LRMDA: variants seen among roughly 807,000 people sequenced by gnomAD.
The protein encoded by LRMDA is leucine rich melanocyte differentiation associated.
Under a neutral mutation model 29.8 loss-of-function variants are expected in LRMDA, and 18 were observed. The ratio of observed to expected loss-of-function variants is 0.60; its 90% CI spans 0.42 to 0.90. LRMDA has a LOEUF of 0.90. Ranked by LOEUF, LRMDA falls within the 40% of genes least tolerant of loss-of-function variation. The pLI is 0.00. For synonymous variants in LRMDA, 125 were observed against 109.4 expected, an observed-to-expected ratio of 1.14 and a Z score of -0.89; for missense variants, 273 against 273.9, an observed-to-expected ratio of 1.00 and a Z score of 0.02.
At chr10:76,100,409 G>C (rs10762691) in intron 5 of LRMDA, among the ~76,000 whole-genome samples, 1 of 152,134 alleles carries the variant, frequency 6.6e-6, no homozygotes, top group African/African-American at 2.4e-5. Context: ...ACACAGGAAC[G>C]GAAGAGGCCA....
intron 2 of LRMDA, among the ~76,000 whole-genome samples, chr10:75,918,892 A>C (rs1277180658): frequency 6.6e-6 from 1 of 152,208 alleles, no homozygotes; most frequent in East Asian, 1.9e-4. Context: ...ACTGTGTGTG[A>C]AGAAAAAAAA....
At chr10:76,061,941 T>C (rs1350893943) in intron 5 of LRMDA, among the ~76,000 whole-genome samples, 1 of 152,208 alleles carries the variant, frequency 6.6e-6, no homozygotes, top group African/African-American at 2.4e-5. Flanking sequence ...GCTGAATTAA[T>C]AAATTGGCAT....
At chr10:75,538,418 G>C (rs570755148) in intron 2 of LRMDA, among the ~76,000 whole-genome samples, 2 of 152,266 alleles carry the variant, frequency 1.3e-5, no homozygotes, top group East Asian at 3.9e-4. Context: ...AATTAGGAAA[G>C]GTTAAGTGAT....
chr10:75,480,717 G>A (rs1010894544), intron 2 of LRMDA, among the ~76,000 whole-genome samples: 3 of 152,242 alleles, frequency 2.0e-5, no homozygotes, highest in South Asian at 4.1e-4. Context: ...ACTTTAGAAA[G>A]ATCACTGTGG....
chr10:75,584,841 C>G (rs1281963956), intron 2 of LRMDA, among the ~76,000 whole-genome samples: 1 of 152,032 alleles, frequency 6.6e-6, no homozygotes, highest in East Asian at 1.9e-4. Flanking sequence ...TAACAAGTAG[C>G]CAAAGAATCA....
At chr10:75,694,803 C>G (rs189219061) in intron 2 of LRMDA, among the ~76,000 whole-genome samples, 1 of 152,162 alleles carries the variant, frequency 6.6e-6, no homozygotes, top group Non-Finnish European at 1.5e-5. Flanking sequence ...GTCTATAGCT[C>G]CTAATTATGT....
intron 6 of LRMDA, among the ~76,000 whole-genome samples, chr10:76,503,472 G>GT (rs143968618): frequency 0.71 from 104,297 of 147,590 alleles, 37,618 homozygotes; most frequent in Non-Finnish European, 0.8. Flanking sequence ...TTGATTGGTA[G>GT]TTTTTTTTTT....
At chr10:76,013,152 A>G (rs1005361868) in intron 2 of LRMDA, among the ~76,000 whole-genome samples, 10 of 152,306 alleles carry the variant, frequency 6.6e-5, no homozygotes, top group Admixed American at 2.0e-4. Context: ...CTAGGCTCGC[A>G]TTTTAATCTG....
At chr10:75,709,450 A>ATG (rs143567128) in intron 2 of LRMDA, among the ~76,000 whole-genome samples, 171 of 145,944 alleles carry the variant, frequency 1.2e-3, no homozygotes, top group South Asian at 1.1e-3. Context: ...GTGTATGTGC[A>ATG]TGTGTGTGTG....
At chr10:76,084,075 G>C (rs974557317) in intron 5 of LRMDA, among the ~76,000 whole-genome samples, 5 of 152,186 alleles carry the variant, frequency 3.3e-5, no homozygotes, top group African/African-American at 9.7e-5. Flanking sequence ...CAAGTGGCTA[G>C]GGAAAGGCAC....
At chr10:76,302,111 A>G (rs1006603815) in intron 5 of LRMDA, among the ~76,000 whole-genome samples, 20 of 150,304 alleles carry the variant, frequency 1.3e-4, no homozygotes, top group African/African-American at 3.2e-4. Context: ...AACTGGCTCT[A>G]TTTTTTTTTT....
Position 75,935,477 on chromosome 10 carries a change from G to A in LRMDA, c.132-100531G>A, listed in dbSNP as rs181672791. Reference sequence around the variant, plus strand: ...TGTTTGCTGTGCAGATATGACAAAGGGGAAGTAGACAACCATTGATTTACG... The same window carrying A: ...TGTTTGCTGTGCAGATATGACAAAGAGGAAGTAGACAACCATTGATTTACG... On this transcript the variant is annotated intron_variant, in intron 2 of 6. Transcript: ENST00000611255. Among the ~76,000 whole-genome samples the A allele has an allele frequency of 2.2e-3, 330 of 152,260 alleles. 2 individuals carry two copies. The highest frequency in any genetic ancestry group is 6.8e-3 in the Middle Eastern group (2 of 294).
chr10:75,785,396 ATGT>A (rs1411859375), intron 2 of LRMDA, among the ~76,000 whole-genome samples: 1 of 152,112 alleles, frequency 6.6e-6, no homozygotes, highest in Non-Finnish European at 1.5e-5. Context: ...CAGGGTGGAG[ATGT>A]AAGACCACAC....
At chr10:75,903,018 C>T (rs769592096) in intron 2 of LRMDA, among the ~76,000 whole-genome samples, 18 of 152,324 alleles carry the variant, frequency 1.2e-4, no homozygotes, top group Admixed American at 4.6e-4. Flanking sequence ...ATAGTGAAAA[C>T]GCCCAGTCTA....
At chr10:75,547,147 TCACCCAAGATTCTATTTATTCATCAGTG>T (rs1840089859) in intron 2 of LRMDA, among the ~76,000 whole-genome samples, 1 of 152,130 alleles carries the variant, frequency 6.6e-6, no homozygotes, top group East Asian at 1.9e-4. Context: ...AGAAGAAGGA[TCACCCAAGATTCTATTTATTCATCAGTG>T]CACCCAAGAT....
intron 2 of LRMDA, among the ~76,000 whole-genome samples, chr10:75,976,657 A>G (rs1490780770): frequency 6.6e-6 from 1 of 152,208 alleles, no homozygotes; most frequent in African/African-American, 2.4e-5. Context: ...CATTGTCCCA[A>G]GCCCTTCACA....
intron 5 of LRMDA, among the ~76,000 whole-genome samples, chr10:76,269,132 C>T (rs369190743): frequency 7.9e-5 from 12 of 152,024 alleles, no homozygotes; most frequent in Admixed American, 2.6e-4. Context: ...CAGTAGCATC[C>T]GTGGTGACAA....
At chr10:76,341,573 TTATTA>T (rs1841042218) in intron 6 of LRMDA, among the ~76,000 whole-genome samples, 1 of 152,230 alleles carries the variant, frequency 6.6e-6, no homozygotes, top group African/African-American at 2.4e-5. Context: ...AAAGAATGAC[TTATTA>T]TATTCAGATT....
chr10:75,819,400 G>T (rs1844118062), intron 2 of LRMDA, among the ~76,000 whole-genome samples: 1 of 46,756 alleles, frequency 2.1e-5, no homozygotes, highest in Non-Finnish European at 3.2e-5. Flanking sequence ...AGTCTGTAAT[G>T]TGAAATTTGG....
Sources: allele counts gnomAD v4.1 joint callset (sites outside exome capture counted in the v4.1 genomes callset), GRCh38; gene constraint gnomAD v4.1.1; transcripts MANE v1.5; gene names NCBI Gene and HGNC (gene_info 2026-07-23, HGNC 2026-07-21).